The following SLC25A46 variants were observed in gnomAD, a reference collection of about 807,000 sequenced individuals.
SLC25A46 encodes solute carrier family 25 member 46.
In SLC25A46, 39 loss-of-function variants were observed where a neutral mutation model predicts 44.6. The ratio of observed to expected loss-of-function variants is 0.87; its 90% CI spans 0.68 to 1.14. The LOEUF (loss-of-function observed/expected upper bound fraction) is 1.14. SLC25A46 is among the 50% of genes most tolerant of loss of function. The probability of loss-of-function intolerance (pLI) is 0.00; values close to 1 mark genes in which losing one functional copy is unlikely to be tolerated. For missense variants in SLC25A46, 547 were observed against 522.7 expected, an observed-to-expected ratio of 1.05 and a Z score of -0.45; for synonymous variants, 202 against 185.8, an observed-to-expected ratio of 1.09 and a Z score of -0.71.
rs1800313356 is a variant in SLC25A46, at chr5:110,763,492, C to G, written c.*1710C>G. 6.6e-6 allele frequency: 1 copy of G among 151,690 alleles called. No individual in the cohort carries two copies. Among genetic ancestry groups the G allele is most frequent in the African/African-American group, 2.4e-5 (1 of 41,350 alleles). 9.4% of individuals were successfully genotyped at this position (151,690 alleles called of 1,614,324 possible). On this transcript the variant is annotated 3_prime_UTR_variant, in exon 8 of 8. Transcript: ENST00000355943. Reference sequence around the variant, plus strand: ...GATCACATTTTATATTTTATGGTGACTATTTTAGATTAAGGTTTACTTTGT... The same window carrying G: ...GATCACATTTTATATTTTATGGTGAGTATTTTAGATTAAGGTTTACTTTGT...
At chr5:110,745,776 A>G (rs183549752) in intron 3 of SLC25A46, 11 of 152,808 alleles carry the variant, frequency 7.2e-5, no homozygotes, top group Non-Finnish European at 1.3e-4. Flanking sequence ...TCCAATGGAT[A>G]CATTACATAT....
In SLC25A46 at chr5:110,761,337, A is replaced by C; in HGVS notation, c.812A>C (p.His271Pro). 1 of 1,613,780 alleles carries C rather than the reference A, an allele frequency of 6.2e-7. No individual in the cohort carries two copies. Among genetic ancestry groups the C allele is most frequent in the Non-Finnish European group, 8.5e-7 (1 of 1,179,816 alleles). ...TCCTTGATCTTCCCTACGGTGCTTCATGGAGTTCTTCATTACATCATCAGC... is the reference window on the plus strand; with the variant it reads ...TCCTTGATCTTCCCTACGGTGCTTCCTGGAGTTCTTCATTACATCATCAGC... ...LLSLIFPTVLHGVLHYIISSV... is the reference protein window; with the variant it reads ...LLSLIFPTVLPGVLHYIISSV... Residue 271 changes from histidine to proline, a missense_variant, in exon 8 of 8, where the codon CAT becomes CCT. Coordinates refer to ENST00000355943, the MANE Select transcript of SLC25A46 (RefSeq NM_138773.4). The surrounding 1 kb of genome is among the most constrained non-coding windows in gnomAD (Gnocchi z 5.3).
At chr5:110,752,119 A>G (rs1457138573) in intron 5 of SLC25A46, among the ~76,000 whole-genome samples, 1 of 152,132 alleles carries the variant, frequency 6.6e-6, no homozygotes, top group South Asian at 2.1e-4. Flanking sequence ...AACATTTACT[A>G]GGTAGAACAG....
chr5:110,756,396 A>T (rs1316951039), intron 6 of SLC25A46, among the ~76,000 whole-genome samples: 1 of 152,136 alleles, frequency 6.6e-6, no homozygotes. Context: ...TGGATCCCTC[A>T]TCCTCAATTT....
At chr5:110,742,182 T>C (rs1198995095) in intron 2 of SLC25A46, 93 bp downstream of exon 2, 4 of 847,740 alleles carry the variant, frequency 4.7e-6, no homozygotes, top group Non-Finnish European at 7.0e-6. Context: ...TATTGCTTCC[T>C]TTAGGTTGTT....
chr5:110,742,801 C>T (rs115956617), intron 2 of SLC25A46, among the ~76,000 whole-genome samples: 4,631 of 152,124 alleles, frequency 0.03, 195 homozygotes, highest in African/African-American at 0.094. Flanking sequence ...TTGGTGATAG[C>T]ATTACTTTTT....
intron 5 of SLC25A46, among the ~76,000 whole-genome samples, chr5:110,748,492 A>T (rs1298116102): frequency 6.6e-6 from 1 of 152,186 alleles, no homozygotes; most frequent in Non-Finnish European, 1.5e-5. Context: ...AATAATAAAT[A>T]AAAAATACCT....
At chr5:110,738,191 T>C, upstream of SLC25A46, 1 of 1,277,086 alleles carries the variant, frequency 7.8e-7, no homozygotes, top group African/African-American at 1.5e-5. Flanking sequence ...CATGGAAGTC[T>C]TCCTCAGATC....
chr5:110,755,133 CTT>C (rs981455727), intron 5 of SLC25A46: 4 of 175,022 alleles, frequency 2.3e-5, no homozygotes, highest in African/African-American at 9.5e-5. Flanking sequence ...TAATCCTGTT[CTT>C]TGTTTCCATA....
At chr5:110,750,042 A>C (rs6892259) in intron 5 of SLC25A46, among the ~76,000 whole-genome samples, 22,453 of 152,052 alleles carry the variant, frequency 0.15, 1,891 homozygotes, top group East Asian at 0.26. Flanking sequence ...AGGCATAGCT[A>C]CTAGTGTAAC....
Position 110,762,832 on chromosome 5 carries a change from G to A in SLC25A46, c.*1050G>A, listed in dbSNP as rs779900238. ...TAGTCACCACTAAATAATGGCTTCC[G>A]TTTTTATTTTCTTTCAGGTTTTGCT... On this transcript the variant is annotated 3_prime_UTR_variant, in exon 8 of 8. Coordinates refer to ENST00000355943, the MANE Select transcript of SLC25A46 (RefSeq NM_138773.4). 4 of 151,686 alleles carry A rather than the reference G, an allele frequency of 2.6e-5. No individual in the cohort carries two copies. Among genetic ancestry groups the A allele is most frequent in the Non-Finnish European group, 5.9e-5 (4 of 67,822 alleles). The allele number at this position is 151,686 out of a possible 1,614,324, so 9.4% of individuals were successfully genotyped here. A position where few individuals can be genotyped will look rare whatever the true frequency, so the allele number is the denominator to read the frequency against.
chr5:110,751,422 A>G (rs1799966644), intron 5 of SLC25A46, among the ~76,000 whole-genome samples: 1 of 152,184 alleles, frequency 6.6e-6, no homozygotes, highest in Non-Finnish European at 1.5e-5. Context: ...GTTTGTACAA[A>G]AATGCTGTTG....
At chr5:110,739,663 T>C (rs1459542910) in intron 1 of SLC25A46, among the ~76,000 whole-genome samples, 1 of 152,254 alleles carries the variant, frequency 6.6e-6, no homozygotes, top group Non-Finnish European at 1.5e-5. Flanking sequence ...GAGGTTTTGG[T>C]GTCTCAACTG....
chr5:110,740,257 G>T lies in SLC25A46; in HGVS notation c.283+855G>T, dbSNP rs564020139. On this transcript the variant is annotated intron_variant, in intron 1 of 7. Transcript: ENST00000355943. ...GAATTGTTAGAATAATAGATTAATG[G>T]TATTAATATTAAATTTATTGTAGAA... 2.0e-5 allele frequency among the ~76,000 whole-genome samples: 3 copies of T among 152,150 alleles called. No homozygotes were observed. In the East Asian group the frequency reaches 5.8e-4, roughly 29 times the overall value.
At chr5:110,751,974 A>G (rs72773200) in intron 5 of SLC25A46, among the ~76,000 whole-genome samples, 9,919 of 152,240 alleles carry the variant, frequency 0.065, 373 homozygotes, top group Middle Eastern at 0.092. Flanking sequence ...GGAAGAAGGC[A>G]GAGTTTGTTT....
Position 110,763,379 on chromosome 5 carries a change from C to CGTGT in SLC25A46, c.*1610_*1613dup, listed in dbSNP as rs150032716. ...AAACAGTAATAAGTAGCAAATCTCT[C>CGTGT]GTGTGTGTGTGTGTGTAGTTACTGA... On this transcript the variant is annotated 3_prime_UTR_variant, in exon 8 of 8. Transcript: ENST00000355943. The CGTGT allele has an allele frequency of 1.8e-4, 27 of 150,872 alleles. No individual in the cohort carries two copies. Among genetic ancestry groups the CGTGT allele is most frequent in the African/African-American group, 5.1e-4 (21 of 41,270 alleles). 9.3% of individuals were successfully genotyped at this position (150,872 alleles called of 1,614,324 possible).
chr5:110,742,894 G>A (rs1799725292), intron 2 of SLC25A46, among the ~76,000 whole-genome samples: 1 of 151,888 alleles, frequency 6.6e-6, no homozygotes, highest in Admixed American at 6.6e-5. Flanking sequence ...AAAAATATTG[G>A]AATTGCACAA....
chr5:110,746,730 A>G (rs1368779217), intron 4 of SLC25A46, among the ~76,000 whole-genome samples: 2 of 152,222 alleles, frequency 1.3e-5, no homozygotes, highest in East Asian at 1.9e-4. Flanking sequence ...ATGGCTGGGA[A>G]AAACTTTGGG....
At chr5:110,756,270 A>C (rs1800109454) in intron 6 of SLC25A46, 1 of 151,778 alleles carries the variant, frequency 6.6e-6, no homozygotes, top group Non-Finnish European at 1.5e-5. Context: ...AAGGGACTTC[A>C]CTCACCATTG....
Sources: gnomAD v4.1 joint callset for allele counts (sites outside exome capture counted in the v4.1 genomes callset) on GRCh38, gnomAD v4.1.1 for gene constraint, Gnocchi (gnomAD v3.1) non-coding constraint, MANE v1.5 for transcripts, NCBI Gene and HGNC (gene_info 2026-07-23, HGNC 2026-07-21) for gene names.